The following DEPTOR variants were observed in gnomAD, a reference collection of about 807,000 sequenced individuals.
DEPTOR encodes DEP domain-containing mTOR-interacting protein.
DEPTOR carries 41 observed loss-of-function variants against 41.6 expected under a neutral mutation model. That is an observed-to-expected ratio of 0.98 (90% CI 0.77 to 1.28). DEPTOR has a LOEUF of 1.28. Ranked by LOEUF, DEPTOR falls within the 50% of genes most tolerant of loss-of-function variation. The pLI, the probability that DEPTOR is intolerant of heterozygous loss-of-function variation, is 0.00. For missense variants in DEPTOR, 514 were observed against 527.9 expected, an observed-to-expected ratio of 0.97 and a Z score of 0.26; for synonymous variants, 195 against 192.3, an observed-to-expected ratio of 1.01 and a Z score of -0.12.
intron 8 of DEPTOR, among the ~76,000 whole-genome samples, chr8:120,041,234 A>T (rs1007321816): frequency 6.6e-6 from 1 of 152,218 alleles, no homozygotes; most frequent in Non-Finnish European, 1.5e-5. Flanking sequence ...TTTCTCCCCA[A>T]CTTCACTCCC....
At chr8:119,942,099 G>T (rs971331044) in intron 3 of DEPTOR, among the ~76,000 whole-genome samples, 3 of 152,166 alleles carry the variant, frequency 2.0e-5, no homozygotes, top group African/African-American at 7.2e-5. Flanking sequence ...AAAACAGGCA[G>T]CCGGCCAGCT....
chr8:119,894,940 A>G (rs1264551454), intron 1 of DEPTOR, among the ~76,000 whole-genome samples: 3 of 152,170 alleles, frequency 2.0e-5, no homozygotes, highest in Non-Finnish European at 4.4e-5. Context: ...AGACATTTGT[A>G]CCACACGAGG....
At position 119,910,733 on chromosome 8, in the gene DEPTOR, G is replaced by A. The variant is rs116748862; in HGVS notation, c.123-17667G>A. Among the ~76,000 whole-genome samples the A allele has an allele frequency of 4.6e-3, 706 of 151,896 alleles. 5 individuals are homozygous for A. Among genetic ancestry groups the A allele is most frequent in the African/African-American group, 0.016 (669 of 41,402 alleles). On this transcript the variant is annotated intron_variant, in intron 1 of 8. Coordinates refer to ENST00000286234, the MANE Select transcript of DEPTOR (RefSeq NM_022783.4). ...TGGGATTACAGGTGTCAGCCACTGC[G>A]CCCAGCCCCCAGGCTTCATTTTAAC... is the stretch of plus-strand genomic sequence containing the variant.
chr8:120,000,150 T>C (rs1460166812), intron 4 of DEPTOR, among the ~76,000 whole-genome samples: 1 of 152,190 alleles, frequency 6.6e-6, no homozygotes, highest in Admixed American at 6.6e-5. Context: ...TATGAAGATA[T>C]AGTTCACATA....
chr8:119,988,682 C>T (rs1828860119), intron 4 of DEPTOR, among the ~76,000 whole-genome samples: 1 of 152,030 alleles, frequency 6.6e-6, no homozygotes, highest in South Asian at 2.1e-4. Flanking sequence ...GGGGTTTCAC[C>T]ATTTTGGACA....
At chr8:119,945,939 T>A (rs1159970075) in intron 3 of DEPTOR, among the ~76,000 whole-genome samples, 1 of 152,160 alleles carries the variant, frequency 6.6e-6, no homozygotes, top group Non-Finnish European at 1.5e-5. Flanking sequence ...GTGGAAGGCA[T>A]GGCTGGGAGG....
At chr8:119,982,320 A>G (rs1229740123) in intron 4 of DEPTOR, among the ~76,000 whole-genome samples, 1 of 152,162 alleles carries the variant, frequency 6.6e-6, no homozygotes, top group African/African-American at 2.4e-5. Flanking sequence ...GTCTTCTGAC[A>G]GCTTGACTTC....
At chr8:119,958,378 G>A (rs1014087752) in intron 3 of DEPTOR, among the ~76,000 whole-genome samples, 10 of 152,134 alleles carry the variant, frequency 6.6e-5, no homozygotes, top group African/African-American at 2.2e-4. Flanking sequence ...GGGCAAAGGT[G>A]GAAGTTGTAA....
chr8:119,883,325 A>G (rs1057157998), intron 1 of DEPTOR, among the ~76,000 whole-genome samples: 6 of 151,440 alleles, frequency 4.0e-5, no homozygotes, highest in Non-Finnish European at 1.5e-5. Flanking sequence ...ATACAAAAAC[A>G]TTAGCCGGGT....
chr8:120,013,534 G>A (rs890115802), intron 8 of DEPTOR, among the ~76,000 whole-genome samples: 17 of 152,162 alleles, frequency 1.1e-4, no homozygotes, highest in African/African-American at 4.1e-4. Context: ...GTGTGTAGTC[G>A]TCAAGAGGGT....
chr8:119,994,182 GGCTCATGCCT>G (rs1373500592), intron 4 of DEPTOR, among the ~76,000 whole-genome samples: 2 of 152,060 alleles, frequency 1.3e-5, no homozygotes, highest in East Asian at 3.9e-4. Flanking sequence ...TGAGCGTGTT[GGCTCATGCCT>G]GTAATCCCAG....
At chr8:120,002,628 T>C (rs962065394) in intron 5 of DEPTOR, among the ~76,000 whole-genome samples, 5 of 150,108 alleles carry the variant, frequency 3.3e-5, no homozygotes, top group Admixed American at 6.7e-5. Context: ...AAGTACAAAA[T>C]TTAGCCGGGC....
chr8:120,021,496 A>G (rs938974162), intron 8 of DEPTOR, among the ~76,000 whole-genome samples: 2 of 152,330 alleles, frequency 1.3e-5, no homozygotes, highest in South Asian at 2.1e-4. Context: ...GTCATTTATT[A>G]TATTGCTTAT....
intron 8 of DEPTOR, among the ~76,000 whole-genome samples, chr8:120,030,236 G>A (rs1343680770): frequency 6.6e-6 from 1 of 152,160 alleles, no homozygotes; most frequent in Non-Finnish European, 1.5e-5. Flanking sequence ...AGACTTTAGT[G>A]TCTCCAATCC....
At chr8:120,003,920 A>T (rs1812394040) in intron 6 of DEPTOR, among the ~76,000 whole-genome samples, 1 of 152,154 alleles carries the variant, frequency 6.6e-6, no homozygotes, top group Admixed American at 6.6e-5. Context: ...CAGGATGAGG[A>T]TGTGTGGTCC....
chr8:119,931,671 A>C (rs116691564), intron 3 of DEPTOR, among the ~76,000 whole-genome samples: 4 of 152,154 alleles, frequency 2.6e-5, no homozygotes, highest in Non-Finnish European at 5.9e-5. Flanking sequence ...CTTGCTTTCT[A>C]TACTGAAATG....
chr8:119,985,779 T>C (rs902743200), intron 4 of DEPTOR, among the ~76,000 whole-genome samples: 4 of 151,638 alleles, frequency 2.6e-5, no homozygotes, highest in Non-Finnish European at 5.9e-5. Flanking sequence ...TTGATCTTTG[T>C]TGGTTTAAAG....
chr8:119,967,416 T>C (rs557337366), intron 4 of DEPTOR, among the ~76,000 whole-genome samples: 2 of 149,522 alleles, frequency 1.3e-5, no homozygotes, highest in South Asian at 4.2e-4. Context: ...TTAACCAACG[T>C]AGGTCAGATA....
intron 4 of DEPTOR, among the ~76,000 whole-genome samples, chr8:119,997,145 A>G (rs1307893642): frequency 6.6e-6 from 1 of 152,140 alleles, no homozygotes; most frequent in African/African-American, 2.4e-5. Context: ...GAGTCTCACT[A>G]TGTTTCCCAA....
Sources: allele counts gnomAD v4.1 joint callset (sites outside exome capture counted in the v4.1 genomes callset), GRCh38; gene constraint gnomAD v4.1.1; transcripts MANE v1.5; gene names NCBI Gene and HGNC (gene_info 2026-07-23, HGNC 2026-07-21).